Variants in EML6 observed in about 807,000 individuals in gnomAD.
EML6 encodes EMAP like 6.
EML6 carries 154 observed loss-of-function variants against 240.1 expected under a neutral mutation model. The ratio of observed to expected loss-of-function variants is 0.64; its 90% CI spans 0.56 to 0.73. The LOEUF (loss-of-function observed/expected upper bound fraction) is 0.73, where lower values mean the gene tolerates loss of function less well. Among genes scored for constraint, EML6 ranks in the 30% least tolerant of loss-of-function variants. The pLI is 0.00. For synonymous variants in EML6, 1,148 were observed against 899.0 expected, an observed-to-expected ratio of 1.28 and a Z score of -4.95; for missense variants, 2,964 against 2,474.6, an observed-to-expected ratio of 1.20 and a Z score of -4.20.
In EML6 at chr2:54,971,691, T is replaced by G. The variant is rs1261377192; in HGVS notation, c.*1596T>G. On this transcript the variant is annotated 3_prime_UTR_variant, in exon 42 of 42. Coordinates refer to ENST00000356458, the MANE Select transcript of EML6 (RefSeq NM_001039753.4). ...CCCAATTCTGTTTTCTGTAACCATG[T>G]GACTGGTGATGCAGAGTGATAACCA... The G allele has an allele frequency of 1.3e-5, 2 of 152,338 alleles. No homozygotes were observed. Among genetic ancestry groups the G allele is most frequent in the East Asian group, 3.9e-4 (2 of 5,186 alleles). The allele number at this position is 152,338 out of a possible 1,614,324, so 9.4% of individuals were successfully genotyped here.
At chr2:54,872,392 A>G (rs184528817) in intron 16 of EML6, among the ~76,000 whole-genome samples, 145 of 152,260 alleles carry the variant, frequency 9.5e-4, no homozygotes, top group African/African-American at 3.3e-3. Flanking sequence ...AACGTGTAAT[A>G]TTATTAAATT....
At chr2:54,790,938 G>T (rs895217937) in intron 2 of EML6, among the ~76,000 whole-genome samples, 1 of 151,684 alleles carries the variant, frequency 6.6e-6, no homozygotes, top group African/African-American at 2.4e-5. Flanking sequence ...TGTTAGCCAG[G>T]ATGGTCTCGA....
intron 28 of EML6, among the ~76,000 whole-genome samples, chr2:54,940,951 A>G (rs915748440): frequency 5.3e-5 from 8 of 152,234 alleles, no homozygotes; most frequent in Admixed American, 2.6e-4. Context: ...CAGGTTTACA[A>G]TGAAACAAAG....
rs750648554 is a variant in EML6, at chr2:54,953,848, C to A, written c.4313-135C>A. On this transcript the variant is annotated intron_variant, in intron 31 of 41. Coordinates refer to ENST00000356458, the MANE Select transcript of EML6 (RefSeq NM_001039753.4). ...GTTGCGGTGAGCTGAGCTGGTGCCA[C>A]TGCACTCTGGCCTGGGCAACAGAGC... The A allele has an allele frequency of 4.4e-4, 301 of 689,918 alleles. 1 individual carries two copies. The highest frequency in any genetic ancestry group is 6.3e-4 in the Non-Finnish European group (269 of 429,588). 42.7% of individuals were successfully genotyped at this position (689,918 alleles called of 1,614,324 possible). A position where few individuals can be genotyped will look rare whatever the true frequency, so the allele number is the denominator to read the frequency against.
At chr2:54,810,871 C>T (rs534199972) in intron 2 of EML6, among the ~76,000 whole-genome samples, 2 of 152,290 alleles carry the variant, frequency 1.3e-5, no homozygotes, top group Admixed American at 6.5e-5. Flanking sequence ...CCTGAGCAGT[C>T]TCCTTGGTTT....
rs958188837 is a variant in EML6, at chr2:54,724,821, G to C, written c.-241G>C. 1.2e-5 allele frequency: 2 copies of C among 167,390 alleles called. No individual in the cohort carries two copies. Among genetic ancestry groups the C allele is most frequent in the Admixed American group, 1.3e-4 (2 of 15,544 alleles). The allele number at this position is 167,390 out of a possible 1,614,324, so 10.4% of individuals were successfully genotyped here. A position where few individuals can be genotyped will look rare whatever the true frequency, so the allele number is the denominator to read the frequency against. ...CGGCGCCCCCAGAGCCGCCTTGCCC[G>C]GGTAGAGGGAGCCCGGCGCCCGGCG... On this transcript the variant is annotated 5_prime_UTR_variant, in exon 2 of 42. Coordinates refer to ENST00000356458, the MANE Select transcript of EML6 (RefSeq NM_001039753.4). The surrounding 1 kb of genome is among the most constrained non-coding windows in gnomAD (Gnocchi z 5.2).
At chr2:54,797,349 A>G (rs1669873280) in intron 2 of EML6, among the ~76,000 whole-genome samples, 1 of 152,032 alleles carries the variant, frequency 6.6e-6, no homozygotes, top group Non-Finnish European at 1.5e-5. Flanking sequence ...GAGAGAAATG[A>G]ATATGGTCTG....
intron 14 of EML6, chr2:54,868,619 T>A (rs1306463455): frequency 6.6e-6 from 1 of 152,286 alleles, no homozygotes; most frequent in African/African-American, 2.4e-5. Flanking sequence ...ATCTTTCAGC[T>A]GGTAATTCCA....
rs773498648 is a variant in EML6 at position 54,797,164 on chromosome 2, C to CAAAAAAAAAAAAAAAAAAA, written c.198-16061_198-16043dup. ...TGGGTGACAGAGCAAGACTCCATCT[C>CAAAAAAAAAAAAAAAAAAA]AAAAAAAAAAAAAAAAAAAAAAAAA... On this transcript the variant is annotated intron_variant, in intron 2 of 41. Coordinates refer to ENST00000356458, the MANE Select transcript of EML6 (RefSeq NM_001039753.4). Among the ~76,000 whole-genome samples the CAAAAAAAAAAAAAAAAAAA allele has an allele frequency of 7.3e-4, 32 of 43,824 alleles. 4 individuals are homozygous for CAAAAAAAAAAAAAAAAAAA. The highest frequency in any genetic ancestry group is 2.7e-3 in the East Asian group (3 of 1,094). 28.8% of individuals were successfully genotyped at this position (43,824 alleles called of 152,430 possible).
chr2:54,843,814 T>C (rs1441191383), intron 7 of EML6, among the ~76,000 whole-genome samples: 8 of 138,804 alleles, frequency 5.8e-5, no homozygotes, highest in Non-Finnish European at 9.1e-5. Context: ...CTGCACTCTA[T>C]AGTCTGGGTG....
intron 26 of EML6, among the ~76,000 whole-genome samples, chr2:54,922,292 G>T (rs1401902389): frequency 6.6e-6 from 1 of 152,126 alleles, no homozygotes; most frequent in Non-Finnish European, 1.5e-5. Context: ...TGGCCAACAG[G>T]TATGTGAAAA....
intron 2 of EML6, among the ~76,000 whole-genome samples, chr2:54,747,691 CTTTGT>C (rs1309504347): frequency 6.6e-6 from 1 of 152,042 alleles, no homozygotes; most frequent in Non-Finnish European, 1.5e-5. Flanking sequence ...ATTTGAGGCT[CTTTGT>C]TTTATTTTAT....
At position 54,844,031 on chromosome 2, in the gene EML6, T is replaced by C. The variant is rs2103682913; in HGVS notation, c.848-16T>C. The C allele has an allele frequency of 2.6e-6, 4 of 1,545,354 alleles. No individual in the cohort carries two copies. In the East Asian group the frequency reaches 9.8e-5, roughly 38 times the overall value. On this transcript the variant is annotated splice_polypyrimidine_tract_variant and intron_variant, in intron 7 of 41. Coordinates refer to ENST00000356458, the MANE Select transcript of EML6 (RefSeq NM_001039753.4). ...ATAGTGTGAAGATTTGCTTTTGTTT[T>C]ACTTATTTTTGTCAGGCCTCTCTAT...
chr2:54,793,318 C>A (rs760744921), intron 2 of EML6, among the ~76,000 whole-genome samples: 1 of 149,646 alleles, frequency 6.7e-6, no homozygotes. Context: ...GGGAGGAGAA[C>A]CAAGTCATAA....
chr2:54,960,178 G>C (rs1440486440), intron 34 of EML6, 42 bp from the exon 35 acceptor site: 3 of 1,418,240 alleles, frequency 2.1e-6, no homozygotes, highest in African/African-American at 2.8e-5. Context: ...GTGGGTCTTA[G>C]GATGAGGGTT....
At chr2:54,962,756 C>T (rs1445881703) in intron 36 of EML6, 45 bp downstream of exon 36, 55 of 1,406,752 alleles carry the variant, frequency 3.9e-5, no homozygotes, top group Non-Finnish European at 4.7e-5. Flanking sequence ...GAGTGGGCTG[C>T]GCGGCAGTGG....
Position 54,882,206 on chromosome 2 carries a change from C to G in EML6, c.2438+2566C>G, listed in dbSNP as rs557257694. 8 of 152,158 alleles carry G rather than the reference C, an allele frequency of 5.3e-5. No homozygotes were observed. The East Asian group carries it at 5.8e-4, about 11-fold the overall frequency. 9.4% of individuals were successfully genotyped at this position (152,158 alleles called of 1,614,324 possible). A position where few individuals can be genotyped will look rare whatever the true frequency, so the allele number is the denominator to read the frequency against. On this transcript the variant is annotated intron_variant, in intron 17 of 41. Coordinates refer to ENST00000356458, the MANE Select transcript of EML6 (RefSeq NM_001039753.4). ...ATCCGATCTGTTTAAACAATTTCCC[C>G]GCATGCAATCTTTGCTAATTTTTAT...
chr2:54,847,648 A>G, intron 9 of EML6, 25 bp downstream of exon 9: 4 of 1,549,926 alleles, frequency 2.6e-6, no homozygotes, highest in Non-Finnish European at 3.5e-6. Context: ...TGAAAATGGT[A>G]TTTAGAAATG....
At chr2:54,936,628 C>A (rs895310271) in intron 28 of EML6, among the ~76,000 whole-genome samples, 1 of 152,048 alleles carries the variant, frequency 6.6e-6, no homozygotes, top group Non-Finnish European at 1.5e-5. Context: ...TCTCAATGCA[C>A]CTGAGTCAGC....
Sources: allele counts gnomAD v4.1 joint callset (sites outside exome capture counted in the v4.1 genomes callset), GRCh38; gene constraint gnomAD v4.1.1; non-coding constraint Gnocchi (gnomAD v3.1); transcripts MANE v1.5; gene names NCBI Gene and HGNC (gene_info 2026-07-23, HGNC 2026-07-21).